SLC24A2: variants seen among roughly 807,000 people sequenced by gnomAD.
The protein encoded by SLC24A2 is sodium/potassium/calcium exchanger 2.
A neutral mutation model predicts 62.0 loss-of-function variants in SLC24A2; 36 were observed. The observed-to-expected ratio is 0.58, with a 90% CI of 0.44 to 0.77. The LOEUF (loss-of-function observed/expected upper bound fraction) is 0.77. Among genes scored for constraint, SLC24A2 ranks in the 30% least tolerant of loss-of-function variants. The pLI, the probability that SLC24A2 is intolerant of heterozygous loss-of-function variation, is 0.00. For missense variants in SLC24A2, 846 were observed against 817.9 expected, an observed-to-expected ratio of 1.03 and a Z score of -0.42; for synonymous variants, 358 against 294.0, an observed-to-expected ratio of 1.22 and a Z score of -2.23.
chr9:19,976,388 C>G, the SLC24A2 span, among the ~76,000 whole-genome samples: 1 of 152,158 alleles, frequency 6.6e-6, no homozygotes, highest in Non-Finnish European at 1.5e-5. Context: ...AATGAGTTCT[C>G]ATGAGATCTG....
At chr9:19,677,786 T>C (rs552893316) in intron 2 of SLC24A2, among the ~76,000 whole-genome samples, 163 of 150,054 alleles carry the variant, frequency 1.1e-3, no homozygotes, top group Middle Eastern at 3.6e-3. Flanking sequence ...GTGATATCTA[T>C]TATATATTAT....
chr9:20,032,506 G>A, the SLC24A2 span, among the ~76,000 whole-genome samples: 1 of 152,170 alleles, frequency 6.6e-6, no homozygotes, highest in Non-Finnish European at 1.5e-5. Flanking sequence ...AATCAATTAT[G>A]TAGCCATTAG....
chr9:19,884,204 G>A, the SLC24A2 span, among the ~76,000 whole-genome samples: 1 of 152,126 alleles, frequency 6.6e-6, no homozygotes, highest in Non-Finnish European at 1.5e-5. Context: ...ATAACAATGT[G>A]TATTAGTTTA....
the SLC24A2 span, among the ~76,000 whole-genome samples, chr9:20,191,427 T>C: frequency 6.6e-6 from 1 of 152,006 alleles, no homozygotes; most frequent in East Asian, 1.9e-4. Flanking sequence ...TATGGGACCA[T>C]AATCCTCACC....
the SLC24A2 span, among the ~76,000 whole-genome samples, chr9:20,096,581 T>C: frequency 1.3e-5 from 2 of 152,196 alleles, no homozygotes; most frequent in Admixed American, 6.5e-5. Flanking sequence ...TCTGAATCTC[T>C]TTCTGTTTCA....
chr9:20,194,360 G>T, the SLC24A2 span, among the ~76,000 whole-genome samples: 1 of 152,044 alleles, frequency 6.6e-6, no homozygotes, highest in Admixed American at 6.6e-5. Context: ...ACTGAAGCCC[G>T]ATTCCAGATC....
the SLC24A2 span, among the ~76,000 whole-genome samples, chr9:19,896,170 A>G: frequency 6.6e-6 from 1 of 152,228 alleles, no homozygotes; most frequent in African/African-American, 2.4e-5. Flanking sequence ...CTCGGAAGGC[A>G]AGATGAATTA....
chr9:19,761,751 G>A (rs1011524036), intron 2 of SLC24A2, among the ~76,000 whole-genome samples: 12 of 151,916 alleles, frequency 7.9e-5, no homozygotes, highest in African/African-American at 1.5e-4. Context: ...TTGTCCTTGC[G>A]ATAGTTTGCT....
chr9:19,701,175 A>C (rs1820345391), intron 2 of SLC24A2, among the ~76,000 whole-genome samples: 1 of 152,238 alleles, frequency 6.6e-6, no homozygotes, highest in Non-Finnish European at 1.5e-5. Flanking sequence ...TTAACCTGTT[A>C]GGTGCTAGTA....
chr9:19,756,470 T>A (rs1000535306), intron 2 of SLC24A2, among the ~76,000 whole-genome samples: 1 of 152,228 alleles, frequency 6.6e-6, no homozygotes, highest in African/African-American at 2.4e-5. Context: ...AATGCTGTTA[T>A]CATGAGTGTA....
At chr9:19,883,983 C>CCTTA in the SLC24A2 span, among the ~76,000 whole-genome samples, 3 of 152,204 alleles carry the variant, frequency 2.0e-5, no homozygotes, top group South Asian at 6.2e-4. Flanking sequence ...AGTCTTTGAC[C>CCTTA]CTTATCTCCT....
At chr9:19,854,389 A>G in the SLC24A2 span, among the ~76,000 whole-genome samples, 31 of 151,672 alleles carry the variant, frequency 2.0e-4, no homozygotes, top group African/African-American at 7.5e-4. Context: ...TGATGTTAGG[A>G]TGTCAATTTG....
At chr9:19,865,961 A>G in the SLC24A2 span, among the ~76,000 whole-genome samples, 2 of 152,212 alleles carry the variant, frequency 1.3e-5, no homozygotes, top group African/African-American at 2.4e-5. Flanking sequence ...TGACAAGGGA[A>G]TAACGAGAAT....
chr9:19,883,225 T>C, the SLC24A2 span, among the ~76,000 whole-genome samples: 1 of 152,204 alleles, frequency 6.6e-6, no homozygotes, highest in Non-Finnish European at 1.5e-5. Context: ...GATATTGCGA[T>C]GTGCCAATCT....
In SLC24A2 at chr9:19,596,186, T is replaced by C. The variant is rs372503365; in HGVS notation, c.1129+1043A>G. On this transcript the variant is annotated intron_variant, in intron 5 of 10. Coordinates refer to ENST00000341998, the MANE Select transcript of SLC24A2 (RefSeq NM_020344.4). Reference sequence around the variant, plus strand: ...GTTGTCAGATGTTTCACTTCTTGCATGCAAAGCAACTAGGAGATCTTTGGC... The same window carrying C: ...GTTGTCAGATGTTTCACTTCTTGCACGCAAAGCAACTAGGAGATCTTTGGC... Among the ~76,000 whole-genome samples, 17 of 152,334 alleles carry C rather than the reference T, an allele frequency of 1.1e-4. 2 individuals carry two copies. The East Asian group carries it at 1.2e-3, about 10-fold the overall frequency.
the SLC24A2 span, among the ~76,000 whole-genome samples, chr9:19,913,200 A>G: frequency 6.6e-6 from 1 of 152,096 alleles, no homozygotes; most frequent in South Asian, 2.1e-4. Flanking sequence ...ATCTATGACC[A>G]GTTTTTCCAA....
intron 7 of SLC24A2, among the ~76,000 whole-genome samples, chr9:19,567,325 T>C (rs1835695099): frequency 6.6e-6 from 1 of 151,810 alleles, no homozygotes; most frequent in Non-Finnish European, 1.5e-5. Flanking sequence ...GGTGGGTGGA[T>C]CACCAGGTCA....
the SLC24A2 span, among the ~76,000 whole-genome samples, chr9:19,894,569 T>C: frequency 1.3e-5 from 2 of 152,238 alleles, no homozygotes; most frequent in Non-Finnish European, 2.9e-5. Flanking sequence ...AATATATGTT[T>C]ATTGAATGGA....
the SLC24A2 span, among the ~76,000 whole-genome samples, chr9:20,011,616 G>C: frequency 6.6e-6 from 1 of 152,174 alleles, no homozygotes. Flanking sequence ...CTGAAGGAGA[G>C]AGAAAAGGGC....
Sources: allele counts gnomAD v4.1 joint callset (sites outside exome capture counted in the v4.1 genomes callset), GRCh38; gene constraint gnomAD v4.1.1; transcripts MANE v1.5; gene names NCBI Gene and HGNC (gene_info 2026-07-23, HGNC 2026-07-21).